Variants in MAX observed in about 807,000 individuals in gnomAD.
MAX encodes the protein MYC associated transcriptional regulator X, also known as protein max.
A neutral mutation model predicts 22.3 loss-of-function variants in MAX; 3 were observed. The observed-to-expected ratio is 0.13, with a 90% CI of 0.06 to 0.35. MAX has a LOEUF of 0.35. MAX is among the 10% of genes least tolerant of loss of function. The pLI, the probability that MAX is intolerant of heterozygous loss-of-function variation, is 1.00. For missense variants in MAX, 119 were observed against 209.4 expected (o/e 0.57, Z 2.66); for synonymous variants, 72 against 77.7 (o/e 0.93, Z 0.39).
chr14:65,099,720 A>G (rs1181206396), intron 2 of MAX, among the ~76,000 whole-genome samples: 1 of 152,242 alleles, frequency 6.6e-6, no homozygotes. Flanking sequence ...AGTTTTCAAC[A>G]GACTAGGCCC....
At chr14:65,017,071 C>T (rs1032026597) in intron 3 of MAX, among the ~76,000 whole-genome samples, 3 of 151,866 alleles carry the variant, frequency 2.0e-5, no homozygotes, top group African/African-American at 7.3e-5. Context: ...TACAGGCACC[C>T]ACCACCGTGC....
In MAX at chr14:65,076,537, C is replaced by G. The variant is rs1159227189; in HGVS notation, c.422G>C (p.Ser141Thr). ...GGGCTCTTCAGGCTCAGACTCCGAGCTGGAGTCCGAGCCCCCATCGAAGGC... is the reference window on the plus strand; with the variant it reads ...GGGCTCTTCAGGCTCAGACTCCGAGGTGGAGTCCGAGCCCCCATCGAAGGC... ...ISAFDGGSDS[S>T]SESEPEEPQS... The change falls in exon 5 of 5, where the codon AGC becomes ACC. Residue 141 changes from serine (S) to threonine (T), a missense_variant. Around this residue, in one of 3 missense-constraint regions of MAX, gnomAD observed 95 missense variants for 148.1 expected, o/e 0.64. Coordinates refer to ENST00000358664, the MANE Select transcript of MAX (RefSeq NM_002382.5). The surrounding 1 kb of genome is among the most constrained non-coding windows in gnomAD (Gnocchi z 6.6). The G allele has an allele frequency of 1.9e-6, 3 of 1,614,102 alleles. No individual in the cohort carries two copies. Among genetic ancestry groups the G allele is most frequent in the African/African-American group, 2.7e-5 (2 of 75,024 alleles).
downstream of MAX, among the ~76,000 whole-genome samples, chr14:65,070,786 A>G (rs1164685753): frequency 6.6e-6 from 1 of 152,244 alleles, no homozygotes; most frequent in Non-Finnish European, 1.5e-5. The surrounding 1 kb of genome is among the most constrained non-coding windows in gnomAD (Gnocchi z 4.4). Context: ...TGTCATAACC[A>G]GCCCTGGGCA....
rs778336676 is a variant in MAX at position 65,040,535 on chromosome 14, G to A, written c.172-34251C>T. 1.0e-3 allele frequency among the ~76,000 whole-genome samples: 152 copies of A among 150,354 alleles called. 1 individual carries two copies. The highest frequency in any genetic ancestry group is 7.0e-3 in the Middle Eastern group (2 of 284). On this transcript the variant is annotated intron_variant, in intron 3 of 3. Coordinates refer to the MAX transcript ENST00000341653. ...AGCTCACTGCAGCCTCGAACTCCTC[G>A]CCTCAAGTGATCTTCTTGCCTTAGT...
rs1045405181 is a variant in MAX at position 65,082,535 on chromosome 14, G to A, written c.172-4499C>T. On this transcript the variant is annotated intron_variant, in intron 3 of 4. Coordinates refer to ENST00000358664, the MANE Select transcript of MAX (RefSeq NM_002382.5). This position sits in a 1 kb window ranked among gnomAD's most constrained non-coding sequence, Gnocchi z 4.8. Reference sequence around the variant, plus strand: ...TCCCAGCACCCTGGGAGGCTGAGGTGGGAGGATCACTAGGGCTCAGGTGTT... The same window carrying A: ...TCCCAGCACCCTGGGAGGCTGAGGTAGGAGGATCACTAGGGCTCAGGTGTT... Among the ~76,000 whole-genome samples, 1 of 152,120 alleles carries A rather than the reference G, an allele frequency of 6.6e-6. No individual in the cohort carries two copies. Among genetic ancestry groups the A allele is most frequent in the Non-Finnish European group, 1.5e-5 (1 of 68,030 alleles).
rs1215638013 is a variant in MAX at position 65,076,704 on chromosome 14, A to C, written c.296-41T>G. On this transcript the variant is annotated intron_variant, in intron 4 of 4. Transcript: ENST00000358664. This position sits in a 1 kb window ranked among gnomAD's most constrained non-coding sequence, Gnocchi z 6.6. ...GGGAGTGTGTTACTGCCTTCTGGAG[A>C]CTTGGGGAGTAACCGAGTCTCAGAC... is the stretch of plus-strand genomic sequence containing the variant. 1 of 1,613,320 alleles carries C rather than the reference A, an allele frequency of 6.2e-7. No homozygotes were observed. The highest frequency in any genetic ancestry group is 1.7e-5 in the Admixed American group (1 of 60,020).
chr14:65,053,481 T>C, intron 3 of MAX: 2 of 795,674 alleles, frequency 2.5e-6, no homozygotes, highest in South Asian at 1.3e-4. Flanking sequence ...CGCTAGGTTG[T>C]ATGGGAAAAA....
rs564630747 is a variant in MAX at position 65,077,831 on chromosome 14, C to G, written c.295+82G>C. The G allele has an allele frequency of 1.9e-6, 3 of 1,614,206 alleles. No homozygotes were observed. Among genetic ancestry groups the G allele is most frequent in the Non-Finnish European group, 2.5e-6 (3 of 1,180,042 alleles). On this transcript the variant is annotated intron_variant, in intron 4 of 4. Transcript: ENST00000358664. The surrounding 1 kb of genome is among the most constrained non-coding windows in gnomAD (Gnocchi z 6.3). ...CTGAGCACATACTCCATGACTGGCT[C>G]TGACTCTGCAGGCCCAGGTGCCAAA...
chr14:65,093,887 G>T lies in MAX; in HGVS notation c.64-72C>A. 1 of 894,002 alleles carries T rather than the reference G, an allele frequency of 1.1e-6. No individual in the cohort carries two copies. Among genetic ancestry groups the T allele is most frequent in the Non-Finnish European group, 1.9e-6 (1 of 523,266 alleles). The allele number at this position is 894,002 out of a possible 1,614,324, so 55.4% of individuals were successfully genotyped here. A position where few individuals can be genotyped will look rare whatever the true frequency, so the allele number is the denominator to read the frequency against. Reference sequence around the variant, plus strand: ...CTTGGTACAAGGTGGGTGGGGTACAGCCTGGAAGTACACGCTGTCAGCACT... The same window carrying T: ...CTTGGTACAAGGTGGGTGGGGTACATCCTGGAAGTACACGCTGTCAGCACT... On this transcript the variant is annotated intron_variant, in intron 2 of 4. Coordinates refer to ENST00000358664, the MANE Select transcript of MAX (RefSeq NM_002382.5). The surrounding 1 kb of genome is among the most constrained non-coding windows in gnomAD (Gnocchi z 4.4).
intron 3 of MAX, among the ~76,000 whole-genome samples, chr14:65,049,011 C>T (rs966426826): frequency 6.6e-6 from 1 of 151,780 alleles, no homozygotes; most frequent in African/African-American, 2.4e-5. Context: ...CCTGTAATCC[C>T]AGCTACTCAG....
intron 3 of MAX, among the ~76,000 whole-genome samples, chr14:65,068,181 T>A (rs2062950198): frequency 6.6e-6 from 1 of 152,090 alleles, no homozygotes. Context: ...ACGCCTGTAA[T>A]CCCAGCACTT....
intron 3 of MAX, among the ~76,000 whole-genome samples, chr14:65,041,264 T>A (rs986132143): frequency 6.6e-6 from 1 of 152,214 alleles, no homozygotes; most frequent in Non-Finnish European, 1.5e-5. Context: ...AAGAAGAGCT[T>A]TGCAGCATTT....
Position 65,078,132 on chromosome 14 carries a change from A to G in MAX, c.172-96T>C, listed in dbSNP as rs572987357. ...TGCAGCAACTGCTTGGGTGGCTGGA[A>G]ACGAGAGGGTAAGGTGGGAAAAGGC... On this transcript the variant is annotated intron_variant, in intron 3 of 4. Transcript: ENST00000358664. The surrounding 1 kb of genome is among the most constrained non-coding windows in gnomAD (Gnocchi z 6.4). The G allele has an allele frequency of 2.8e-5, 38 of 1,362,584 alleles. No homozygotes were observed. The highest frequency in any genetic ancestry group is 7.0e-5 in the Admixed American group (4 of 56,790). The allele number at this position is 1,362,584 out of a possible 1,614,324, so 84.4% of individuals were successfully genotyped here.
In MAX at chr14:65,009,054, G is replaced by C. The variant is rs2061642669; in HGVS notation, c.172-2770C>G. 6.6e-6 allele frequency among the ~76,000 whole-genome samples: 1 copy of C among 152,142 alleles called. No individual in the cohort carries two copies. Among genetic ancestry groups the C allele is most frequent in the Admixed American group, 6.5e-5 (1 of 15,282 alleles). On this transcript the variant is annotated intron_variant, in intron 3 of 3. Coordinates refer to the MAX transcript ENST00000341653. This position sits in a 1 kb window ranked among gnomAD's most constrained non-coding sequence, Gnocchi z 4.2. ...CTGCTCCATGTAATTGAATGGTTTTGGGGCTGAATTGTTCAGGTAAAAATA... is the reference window on the plus strand; with the variant it reads ...CTGCTCCATGTAATTGAATGGTTTTCGGGCTGAATTGTTCAGGTAAAAATA...
intron 3 of MAX, among the ~76,000 whole-genome samples, chr14:65,036,448 G>A (rs2062195545): frequency 6.6e-6 from 1 of 151,942 alleles, no homozygotes; most frequent in Admixed American, 6.6e-5. Flanking sequence ...TGTTGCCCAG[G>A]CTGGTCTTAA....
Position 65,054,814 on chromosome 14 carries a change from C to A in MAX, c.171+38894G>T. Reference sequence around the variant, plus strand: ...CAGGCGGAAGCTTGTGGTCCCTCTGCCCTTCGAGCTGTGCAGCCGTTAGTG... The same window carrying A: ...CAGGCGGAAGCTTGTGGTCCCTCTGACCTTCGAGCTGTGCAGCCGTTAGTG... On this transcript the variant is annotated intron_variant, in intron 3 of 3. Coordinates refer to the MAX transcript ENST00000341653. This position sits in a 1 kb window ranked among gnomAD's most constrained non-coding sequence, Gnocchi z 4.4. The A allele has an allele frequency of 9.4e-7, 1 of 1,063,006 alleles. No individual in the cohort carries two copies. The highest frequency in any genetic ancestry group is 1.4e-6 in the Non-Finnish European group (1 of 736,314). The allele number at this position is 1,063,006 out of a possible 1,614,324, so 65.8% of individuals were successfully genotyped here.
chr14:65,040,258 T>C (rs1490304981), intron 3 of MAX, among the ~76,000 whole-genome samples: 5 of 148,208 alleles, frequency 3.4e-5, no homozygotes, highest in African/African-American at 1.2e-4. Context: ...TATATATATA[T>C]GTATATATAT....
intron 3 of MAX, among the ~76,000 whole-genome samples, chr14:65,017,750 G>GT (rs2061805818): frequency 6.6e-6 from 1 of 152,084 alleles, no homozygotes; most frequent in Non-Finnish European, 1.5e-5. Context: ...GAGGTCAGGA[G>GT]TTTGAGACCA....
Position 65,047,333 on chromosome 14 carries a change from G to T in MAX, c.172-41049C>A, listed in dbSNP as rs1326527854. 1.3e-5 allele frequency among the ~76,000 whole-genome samples: 2 copies of T among 152,252 alleles called. No individual in the cohort carries two copies. Among genetic ancestry groups the T allele is most frequent in the Non-Finnish European group, 2.9e-5 (2 of 68,048 alleles). ...TAATACCTGATTGGCACTCACAAGG[G>T]TTAGTATGTGGTTGTGTGAATCCAG... On this transcript the variant is annotated intron_variant, in intron 3 of 3. Coordinates refer to the MAX transcript ENST00000341653. The surrounding 1 kb of genome is among the most constrained non-coding windows in gnomAD (Gnocchi z 5.2).
Sources: allele counts gnomAD v4.1 joint callset (sites outside exome capture counted in the v4.1 genomes callset), GRCh38; gene constraint gnomAD v4.1.1; regional missense constraint gnomAD v4.1.1; non-coding constraint Gnocchi (gnomAD v3.1); transcripts MANE v1.5; gene names NCBI Gene and HGNC (gene_info 2026-07-23, HGNC 2026-07-21).